Variants in LDAH observed in about 807,000 individuals in gnomAD.
The protein encoded by LDAH is lipid droplet associated hydrolase, also known as lipid droplet-associated hydrolase.
A neutral mutation model predicts 29.6 loss-of-function variants in LDAH; 26 were observed. The ratio of observed to expected loss-of-function variants is 0.88; its 90% CI spans 0.64 to 1.22. The LOEUF (loss-of-function observed/expected upper bound fraction) is 1.22. Among genes scored for constraint, LDAH ranks in the 50% most tolerant of loss-of-function variants. The pLI is 0.00. For missense variants in LDAH, 344 were observed against 387.3 expected (o/e 0.89, Z 0.94); for synonymous variants, 117 against 133.0 (o/e 0.88, Z 0.83).
At chr2:20,754,468 G>A (rs1668180946) in intron 4 of LDAH, among the ~76,000 whole-genome samples, 1 of 130,840 alleles carries the variant, frequency 7.6e-6, no homozygotes, top group African/African-American at 3.2e-5. Context: ...TCCAGTCTGG[G>A]TGACAGAGCA....
chr2:20,766,681 T>C (rs1403248884), intron 4 of LDAH, among the ~76,000 whole-genome samples: 1 of 152,246 alleles, frequency 6.6e-6, no homozygotes, highest in East Asian at 1.9e-4. Context: ...GCCAATAGTT[T>C]GGAAAATTAT....
At chr2:20,734,824 T>A (rs1666665770) in intron 5 of LDAH, among the ~76,000 whole-genome samples, 1 of 152,366 alleles carries the variant, frequency 6.6e-6, no homozygotes, top group African/African-American at 2.4e-5. Flanking sequence ...ATAGATCTAA[T>A]GTTGACAAGT....
chr2:20,712,744 C>T (rs1031298999), intron 5 of LDAH, among the ~76,000 whole-genome samples: 2 of 152,090 alleles, frequency 1.3e-5, no homozygotes, highest in African/African-American at 4.8e-5. Context: ...GATGCCTGCA[C>T]AAGCTTCAAT....
chr2:20,767,230 G>T (rs1457688636), intron 4 of LDAH, among the ~76,000 whole-genome samples: 5 of 152,214 alleles, frequency 3.3e-5, no homozygotes, highest in Non-Finnish European at 5.9e-5. Flanking sequence ...CCAGAAACAG[G>T]CAGCAGCCCA....
chr2:20,722,902 A>G (rs1196078855), intron 5 of LDAH, among the ~76,000 whole-genome samples: 1 of 152,212 alleles, frequency 6.6e-6, no homozygotes, highest in Non-Finnish European at 1.5e-5. Context: ...TGCTGGTGGG[A>G]GTACACATTG....
intron 4 of LDAH, among the ~76,000 whole-genome samples, chr2:20,743,311 CTT>C (rs56001378): frequency 0.18 from 24,401 of 135,914 alleles, 2,295 homozygotes; most frequent in Admixed American, 0.25. Flanking sequence ...TCCAAGTCCA[CTT>C]TTTTTTTTTT....
chr2:20,785,319 T>TAGAGAAATCC (rs1243869319), intron 3 of LDAH, among the ~76,000 whole-genome samples: 3 of 152,352 alleles, frequency 2.0e-5, no homozygotes, highest in African/African-American at 7.2e-5. Flanking sequence ...TTTCACTAGA[T>TAGAGAAATCC]AGAGAAATCC....
chr2:20,801,387 A>C lies in LDAH; in HGVS notation c.77T>G (p.Leu26Arg). ...ILCGGAETQV[L>R]KCGPWTDLFH... is the part of the protein sequence containing the mutation. Reference sequence around the variant, plus strand: ...GAGGTCTGTCCAGGGCCCACATTTTAGAACCTGGGTTTCGGCTCCACCACA... The same window carrying C: ...GAGGTCTGTCCAGGGCCCACATTTTCGAACCTGGGTTTCGGCTCCACCACA... Residue 26 changes from leucine to arginine, a missense_variant, in exon 2 of 7, where the codon CTA becomes CGA. Coordinates refer to ENST00000237822, the MANE Select transcript of LDAH (RefSeq NM_021925.4). 6.2e-7 allele frequency: 1 copy of C among 1,614,118 alleles called. No individual in the cohort carries two copies.
At chr2:20,721,244 T>C (rs1366795015) in intron 5 of LDAH, among the ~76,000 whole-genome samples, 1 of 152,182 alleles carries the variant, frequency 6.6e-6, no homozygotes, top group Non-Finnish European at 1.5e-5. Context: ...AAGGGATTAA[T>C]AACCAGGATA....
At chr2:20,718,531 A>G (rs1365755328) in intron 5 of LDAH, among the ~76,000 whole-genome samples, 2 of 152,192 alleles carry the variant, frequency 1.3e-5, no homozygotes, top group Non-Finnish European at 2.9e-5. Context: ...TGTTAACAGA[A>G]ATAAAGGGAG....
intron 4 of LDAH, among the ~76,000 whole-genome samples, chr2:20,763,997 A>G (rs918346118): frequency 2.0e-5 from 3 of 151,866 alleles, no homozygotes; most frequent in African/African-American, 7.3e-5. Flanking sequence ...TGAGAAAAAC[A>G]TATTAAGTCG....
chr2:20,815,813 GTTTAA>G (rs1400860964), intron 1 of LDAH, among the ~76,000 whole-genome samples: 2 of 152,010 alleles, frequency 1.3e-5, no homozygotes, highest in African/African-American at 4.8e-5. Flanking sequence ...TATCAATAAG[GTTTAA>G]TTTGAGTAAA....
intron 3 of LDAH, among the ~76,000 whole-genome samples, chr2:20,776,904 C>T (rs1010319422): frequency 9.2e-5 from 14 of 152,132 alleles, no homozygotes; most frequent in African/African-American, 2.9e-4. Context: ...CAAAGATAAA[C>T]GGGCTCTGGA....
At chr2:20,718,621 T>TGG (rs1665417299) in intron 5 of LDAH, among the ~76,000 whole-genome samples, 3 of 152,026 alleles carry the variant, frequency 2.0e-5, no homozygotes, top group Non-Finnish European at 2.9e-5. Context: ...GGCAGAAAAT[T>TGG]AACAAAGAAA....
intron 4 of LDAH, among the ~76,000 whole-genome samples, chr2:20,750,023 CTTTTTTT>C (rs147397062): frequency 1.4e-4 from 18 of 127,094 alleles, no homozygotes; most frequent in African/African-American, 5.3e-4. Context: ...CCTTACTAAA[CTTTTTTT>C]TTTTTTTTTT....
chr2:20,807,215 A>T (rs1468563003), intron 1 of LDAH, among the ~76,000 whole-genome samples: 1 of 152,074 alleles, frequency 6.6e-6, no homozygotes, highest in East Asian at 1.9e-4. Flanking sequence ...AACAGATACA[A>T]AAAGAAAACA....
intron 1 of LDAH, among the ~76,000 whole-genome samples, chr2:20,816,205 G>A (rs568242950): frequency 6.6e-6 from 1 of 152,106 alleles, no homozygotes; most frequent in South Asian, 2.1e-4. Flanking sequence ...GACCAGAAAA[G>A]AGGAACAGAT....
chr2:20,687,884 G>A (rs527708518), intron 6 of LDAH, among the ~76,000 whole-genome samples: 1 of 152,326 alleles, frequency 6.6e-6, no homozygotes, highest in South Asian at 2.1e-4. Context: ...AACAGATAGT[G>A]GCAATTTCTA....
intron 4 of LDAH, among the ~76,000 whole-genome samples, chr2:20,748,181 T>C (rs1667710238): frequency 6.6e-6 from 1 of 152,194 alleles, no homozygotes; most frequent in African/African-American, 2.4e-5. Context: ...TTTAGTATGT[T>C]TCAGTTAAGA....
Sources: gnomAD v4.1 joint callset for allele counts (sites outside exome capture counted in the v4.1 genomes callset) on GRCh38, gnomAD v4.1.1 for gene constraint, MANE v1.5 for transcripts, NCBI Gene and HGNC (gene_info 2026-07-23, HGNC 2026-07-21) for gene names.